The following ZBP1 variants were observed in gnomAD, a reference collection of about 807,000 sequenced individuals.
ZBP1 encodes Z-DNA binding protein 1, also known as Z-DNA-binding protein 1.
A neutral mutation model predicts 41.1 loss-of-function variants in ZBP1; 42 were observed. The ratio of observed to expected loss-of-function variants is 1.02; its 90% CI spans 0.80 to 1.32. ZBP1 has a LOEUF of 1.32. ZBP1 is among the 40% of genes most tolerant of loss of function. The probability of loss-of-function intolerance (pLI) is 0.00; values close to 1 mark genes in which losing one functional copy is unlikely to be tolerated. For synonymous variants in ZBP1, 214 were observed against 205.2 expected (o/e 1.04, Z -0.37); for missense variants, 562 against 549.7 (o/e 1.02, Z -0.22).
Position 57,610,417 on chromosome 20 carries a change from G to C in ZBP1, c.875-50C>G, listed in dbSNP as rs1320510740. 2 of 1,598,874 alleles carry C rather than the reference G, an allele frequency of 1.3e-6. No individual in the cohort carries two copies. Among genetic ancestry groups the C allele is most frequent in the Admixed American group, 1.7e-5 (1 of 59,842 alleles). On this transcript the variant is annotated intron_variant, in intron 6 of 7. Transcript: ENST00000371173. This position sits in a 1 kb window ranked among gnomAD's most constrained non-coding sequence, Gnocchi z 5.5. ...TGGAGCCAGGAGCAGCTGGACAGTG[G>C]CCGGGAACCCTGACCCCCAGCCTGG... is the stretch of plus-strand genomic sequence containing the variant.
intron 7 of ZBP1, among the ~76,000 whole-genome samples, chr20:57,606,018 TAAATC>T (rs138106754): frequency 0.047 from 7,099 of 152,352 alleles, 178 homozygotes; most frequent in Non-Finnish European, 0.068. Context: ...TCTCTCACTT[TAAATC>T]AAAAGTGAGA....
chr20:57,613,430 A>C lies in ZBP1; in HGVS notation c.503-100T>G, dbSNP rs1447725424. On this transcript the variant is annotated intron_variant, in intron 4 of 7. Coordinates refer to ENST00000371173, the MANE Select transcript of ZBP1 (RefSeq NM_030776.3). The surrounding 1 kb of genome is among the most constrained non-coding windows in gnomAD (Gnocchi z 4.5). The stretch of plus-strand genomic sequence containing the variant: ...CCAAATTCTCCTGGGGAGCTTGTTA[A>C]AATACCCTGGGCGTTCCGAGTCAGT... 7.4e-7 allele frequency: 1 copy of C among 1,356,102 alleles called. No homozygotes were observed. The highest frequency in any genetic ancestry group is 1.4e-5 in the African/African-American group (1 of 69,656). 84.0% of individuals were successfully genotyped at this position (1,356,102 alleles called of 1,614,324 possible).
chr20:57,616,904 C>A (rs888077882), intron 1 of ZBP1: 4 of 213,602 alleles, frequency 1.9e-5, no homozygotes, highest in African/African-American at 6.9e-5. Flanking sequence ...CCATCGCCAT[C>A]CTCCCCGGGA....
chr20:57,615,214 A>G (rs1212927184), intron 3 of ZBP1, 154 bp from the exon 4 acceptor site: 1 of 848,704 alleles, frequency 1.2e-6, no homozygotes, highest in Admixed American at 2.6e-5. Flanking sequence ...ATCATGACGC[A>G]CCGCAGAGGT....
rs2070430668 is a variant in ZBP1, at chr20:57,603,956, C to A, written c.*617G>T. Reference sequence around the variant, plus strand: ...GATCTCGGCTCACTGGAAGCTCCACCTCCCGGGTTCACACCATTCTCCTCC... The same window carrying A: ...GATCTCGGCTCACTGGAAGCTCCACATCCCGGGTTCACACCATTCTCCTCC... On this transcript the variant is annotated 3_prime_UTR_variant, in exon 8 of 8. Coordinates refer to ENST00000371173, the MANE Select transcript of ZBP1 (RefSeq NM_030776.3). This position sits in a 1 kb window ranked among gnomAD's most constrained non-coding sequence, Gnocchi z 4.6. The A allele has an allele frequency of 5.8e-6, 1 of 171,568 alleles. No homozygotes were observed. Among genetic ancestry groups the A allele is most frequent in the South Asian group, 1.2e-4 (1 of 8,148 alleles). The allele number at this position is 171,568 out of a possible 1,614,324, so 10.6% of individuals were successfully genotyped here.
At chr20:57,612,856 G>T in intron 5 of ZBP1, 1 of 1,206,538 alleles carries the variant, frequency 8.3e-7, no homozygotes, top group Non-Finnish European at 1.1e-6. Context: ...TGAAAATGAG[G>T]CATAAGGTCA....
chr20:57,616,661 C>G, intron 1 of ZBP1, 193 bp from the exon 2 acceptor site: 2 of 610,414 alleles, frequency 3.3e-6, no homozygotes, highest in South Asian at 3.9e-5. Context: ...GGGAGGCATG[C>G]AGGCTGATCA....
At chr20:57,615,482 C>T (rs1462209154) in intron 3 of ZBP1, 30 bp downstream of exon 3, 18 of 1,610,998 alleles carry the variant, frequency 1.1e-5, no homozygotes, top group East Asian at 4.5e-5. Flanking sequence ...TCCTGTGTCC[C>T]GGGAACTGAA....
At chr20:57,606,283 G>A (rs2070495091) in intron 7 of ZBP1, among the ~76,000 whole-genome samples, 1 of 152,258 alleles carries the variant, frequency 6.6e-6, no homozygotes, top group Non-Finnish European at 1.5e-5. Flanking sequence ...CTAGGGCAAG[G>A]CCCTTGCTCT....
At chr20:57,615,682 G>T in intron 2 of ZBP1, 102 bp from the exon 3 acceptor site, 1 of 976,412 alleles carries the variant, frequency 1.0e-6, no homozygotes, top group Non-Finnish European at 1.5e-6. Flanking sequence ...TGGCAATGCC[G>T]GTAGTTGCAA....
At chr20:57,612,737 G>T (rs1303885991) in intron 5 of ZBP1, 1 of 222,144 alleles carries the variant, frequency 4.5e-6, no homozygotes, top group African/African-American at 2.3e-5. Context: ...AAATGTGGGG[G>T]AAAGTAGCGT....
chr20:57,611,690 G>A, intron 6 of ZBP1, 37 bp downstream of exon 6: 1 of 1,580,884 alleles, frequency 6.3e-7, no homozygotes, highest in Non-Finnish European at 8.6e-7. Context: ...GACCCACGGG[G>A]TGGCAGAGTT....
At chr20:57,616,153 T>A in intron 2 of ZBP1, 91 bp downstream of exon 2, 1 of 1,225,832 alleles carries the variant, frequency 8.2e-7, no homozygotes, top group Middle Eastern at 1.9e-4. Context: ...TGTGGCAGAG[T>A]TCAGATTCGA....
At chr20:57,608,262 C>T (rs2070546363) in intron 7 of ZBP1, among the ~76,000 whole-genome samples, 2 of 152,164 alleles carry the variant, frequency 1.3e-5, no homozygotes, top group Admixed American at 6.5e-5. Context: ...GCTGGGACTA[C>T]ATGTGCCCGC....
chr20:57,613,247 T>C lies in ZBP1; in HGVS notation c.586A>G (p.Ser196Gly), dbSNP rs150170132. 1.5e-4 allele frequency: 240 copies of C among 1,614,164 alleles called. No individual in the cohort carries two copies. Among genetic ancestry groups the C allele is most frequent in the Non-Finnish European group, 1.8e-4 (213 of 1,180,062 alleles). ...INMICQNGPN[S>G]WISIANSEAI... ...TCGGAGTTTGCAATGGAAATCCAGC[T>C]GTTGGGTCCATTCTGGCAGATCATG... The change falls in exon 5 of 8, where the codon AGC becomes GGC. Residue 196 changes from serine (S) to glycine (G), a missense_variant. By Grantham distance (56) the Ser-to-Gly change is moderately conservative. Transcript: ENST00000371173. The surrounding 1 kb of genome is among the most constrained non-coding windows in gnomAD (Gnocchi z 4.5).
intron 1 of ZBP1, chr20:57,616,688 C>G (rs774936310): frequency 1.7e-6 from 1 of 573,218 alleles, no homozygotes; most frequent in East Asian, 3.0e-5. Context: ...GCCTTGGCTG[C>G]GCAGCCTGGT....
intron 5 of ZBP1, chr20:57,612,804 A>C: frequency 4.1e-6 from 3 of 723,604 alleles, no homozygotes; most frequent in Non-Finnish European, 3.7e-6. Flanking sequence ...CGCGGAGGGA[A>C]AGGCAATTGA....
rs1256820801 is a variant in ZBP1, at chr20:57,610,439, C to G, written c.875-72G>C. 7 of 1,522,436 alleles carry G rather than the reference C, an allele frequency of 4.6e-6. No individual in the cohort carries two copies. The highest frequency in any genetic ancestry group is 6.3e-6 in the Non-Finnish European group (7 of 1,102,916). The allele number at this position is 1,522,436 out of a possible 1,614,324, so 94.3% of individuals were successfully genotyped here. On this transcript the variant is annotated intron_variant, in intron 6 of 7. Transcript: ENST00000371173. This position sits in a 1 kb window ranked among gnomAD's most constrained non-coding sequence, Gnocchi z 5.5. ...GTGGCCGGGAACCCTGACCCCCAGC[C>G]TGGTTCACCCTCCTCCCCAGATCTC...
chr20:57,607,054 C>T, intron 7 of ZBP1: 1 of 1,297,064 alleles, frequency 7.7e-7, no homozygotes, highest in Middle Eastern at 2.1e-4. Context: ...CTTCAACATT[C>T]ACTTCTTATT....
Sources: gnomAD v4.1 joint callset for allele counts (sites outside exome capture counted in the v4.1 genomes callset) on GRCh38, gnomAD v4.1.1 for gene constraint, Gnocchi (gnomAD v3.1) non-coding constraint, MANE v1.5 for transcripts, NCBI Gene and HGNC (gene_info 2026-07-23, HGNC 2026-07-21) for gene names.